Variants in SLIT3 observed in about 807,000 individuals in gnomAD.
SLIT3 encodes slit guidance ligand 3.
SLIT3 carries 68 observed loss-of-function variants against 184.0 expected under a neutral mutation model. That is an observed-to-expected ratio of 0.37 (90% confidence interval 0.30 to 0.45). SLIT3 has a LOEUF of 0.45. Among genes scored for constraint, SLIT3 ranks in the 20% least tolerant of loss-of-function variants. SLIT3 has a pLI of 1.00. For synonymous variants in SLIT3, 831 were observed against 828.6 expected (o/e 1.00, Z -0.05); for missense variants, 1,707 against 2,026.0 (o/e 0.84, Z 3.02).
chr5:169,158,927 T>C (rs1336207995), intron 4 of SLIT3, among the ~76,000 whole-genome samples: 2 of 152,148 alleles, frequency 1.3e-5, no homozygotes, highest in African/African-American at 4.8e-5. Flanking sequence ...AAAAATAAAA[T>C]GGCAGACTTG....
intron 4 of SLIT3, among the ~76,000 whole-genome samples, chr5:169,043,502 A>T (rs1298732809): frequency 1.3e-5 from 2 of 152,244 alleles, no homozygotes; most frequent in African/African-American, 4.8e-5. Flanking sequence ...ACTAAAATGC[A>T]TGAAAATACT....
At chr5:168,972,897 C>T (rs985751682) in intron 4 of SLIT3, among the ~76,000 whole-genome samples, 6 of 152,194 alleles carry the variant, frequency 3.9e-5, no homozygotes, top group Non-Finnish European at 7.3e-5. Flanking sequence ...TTCCGTCCCC[C>T]CAGGCCGTGC....
chr5:169,007,860 A>G (rs967240242), intron 4 of SLIT3, among the ~76,000 whole-genome samples: 2 of 152,230 alleles, frequency 1.3e-5, no homozygotes, highest in African/African-American at 2.4e-5. Context: ...AGTTATCGCT[A>G]GATATTAATT....
chr5:168,807,440 T>C (rs909238482), intron 8 of SLIT3, among the ~76,000 whole-genome samples: 4 of 152,214 alleles, frequency 2.6e-5, no homozygotes, highest in South Asian at 2.1e-4. Context: ...TTGCATGCTA[T>C]GACTATTCCC....
chr5:168,930,166 G>A (rs1761943367), intron 4 of SLIT3, among the ~76,000 whole-genome samples: 1 of 152,144 alleles, frequency 6.6e-6, no homozygotes, highest in Non-Finnish European at 1.5e-5. Flanking sequence ...GTGAGGACTG[G>A]GAATTTAAGT....
At chr5:168,914,563 G>A (rs1761372556) in intron 4 of SLIT3, among the ~76,000 whole-genome samples, 1 of 152,152 alleles carries the variant, frequency 6.6e-6, no homozygotes, top group African/African-American at 2.4e-5. Flanking sequence ...GGTCCTCCTG[G>A]GAAGTAGGAC....
At chr5:169,108,988 C>T (rs927480497) in intron 4 of SLIT3, among the ~76,000 whole-genome samples, 1 of 152,162 alleles carries the variant, frequency 6.6e-6, no homozygotes, top group Non-Finnish European at 1.5e-5. Flanking sequence ...CAACTTGTGT[C>T]CATGTCTTTT....
At chr5:168,983,038 T>C (rs1011720232) in intron 4 of SLIT3, among the ~76,000 whole-genome samples, 1 of 152,186 alleles carries the variant, frequency 6.6e-6, no homozygotes, top group African/African-American at 2.4e-5. Flanking sequence ...TCCCATGTTA[T>C]TGAAGTCATG....
intron 4 of SLIT3, among the ~76,000 whole-genome samples, chr5:168,938,956 C>A (rs2113198563): frequency 6.6e-6 from 1 of 152,172 alleles, no homozygotes; most frequent in South Asian, 2.1e-4. Context: ...GAGATATACC[C>A]TGATTTGGAA....
chr5:168,844,442 A>T, intron 6 of SLIT3, 142 bp downstream of exon 6: 1 of 700,642 alleles, frequency 1.4e-6, no homozygotes, highest in Non-Finnish European at 2.4e-6. Flanking sequence ...TCCCAATTTT[A>T]ATAGCACTGC....
intron 3 of SLIT3, among the ~76,000 whole-genome samples, chr5:169,195,834 C>T (rs1027398877): frequency 6.6e-6 from 1 of 151,980 alleles, no homozygotes; most frequent in Non-Finnish European, 1.5e-5. Context: ...CTGAGGGAAG[C>T]CTGACTCTTA....
At chr5:168,761,197 C>T (rs574049397) in intron 15 of SLIT3, among the ~76,000 whole-genome samples, 96 of 152,214 alleles carry the variant, frequency 6.3e-4, no homozygotes, top group South Asian at 1.3e-3. Context: ...CGTGGGCATG[C>T]GTTGTTTTCA....
At chr5:168,975,488 C>T (rs1754721447) in intron 4 of SLIT3, among the ~76,000 whole-genome samples, 1 of 151,930 alleles carries the variant, frequency 6.6e-6, no homozygotes, top group Non-Finnish European at 1.5e-5. Flanking sequence ...CACATAGACA[C>T]CCCTACACAG....
At chr5:168,929,294 G>A (rs141736314) in intron 4 of SLIT3, among the ~76,000 whole-genome samples, 251 of 152,324 alleles carry the variant, frequency 1.6e-3, no homozygotes, top group African/African-American at 5.7e-3. Flanking sequence ...TATTGTTGCT[G>A]TTATAATGGA....
intron 1 of SLIT3, among the ~76,000 whole-genome samples, chr5:169,282,482 C>T (rs1767025783): frequency 6.6e-6 from 1 of 152,152 alleles, no homozygotes; most frequent in Admixed American, 6.5e-5. Context: ...TTATGTCTCT[C>T]CATTAAAGCA....
intron 4 of SLIT3, among the ~76,000 whole-genome samples, chr5:168,909,026 G>T (rs776713641): frequency 6.6e-6 from 1 of 152,150 alleles, no homozygotes; most frequent in African/African-American, 2.4e-5. Flanking sequence ...TACCCGCCAG[G>T]CTTCTTGCAT....
chr5:168,923,422 C>A (rs1277598990), intron 4 of SLIT3, among the ~76,000 whole-genome samples: 1 of 152,072 alleles, frequency 6.6e-6, no homozygotes, highest in African/African-American at 2.4e-5. Flanking sequence ...CTGGGCTACT[C>A]AAATCCCTCT....
intron 4 of SLIT3, among the ~76,000 whole-genome samples, chr5:169,093,567 C>A (rs560620631): frequency 3.3e-5 from 5 of 152,204 alleles, no homozygotes; most frequent in Non-Finnish European, 7.3e-5. Flanking sequence ...GATTTCTCTG[C>A]AGATCCTTAC....
chr5:169,240,703 G>A (rs1765375124), intron 3 of SLIT3, among the ~76,000 whole-genome samples: 1 of 149,336 alleles, frequency 6.7e-6, no homozygotes, highest in East Asian at 2.0e-4. Context: ...TTTAATTGGA[G>A]AATTAGTGCA....
Sources: allele counts gnomAD v4.1 joint callset (sites outside exome capture counted in the v4.1 genomes callset), GRCh38; gene constraint gnomAD v4.1.1; transcripts MANE v1.5; gene names NCBI Gene and HGNC (gene_info 2026-07-23, HGNC 2026-07-21).